Variants in PARL observed in about 807,000 individuals in gnomAD.
The protein encoded by PARL is presenilin-associated rhomboid-like protein, mitochondrial.
In PARL, 44 loss-of-function variants were observed where a neutral mutation model predicts 51.6. The observed-to-expected ratio is 0.85, with a 90% confidence interval of 0.67 to 1.10. PARL has a LOEUF of 1.10. Among genes scored for constraint, PARL ranks in the 50% least tolerant of loss-of-function variants. The probability of loss-of-function intolerance (pLI) is 0.00; values close to 1 mark genes in which losing one functional copy is unlikely to be tolerated. For missense variants in PARL, 441 were observed against 469.5 expected (o/e 0.94, Z 0.56); for synonymous variants, 172 against 164.0 (o/e 1.05, Z -0.37).
Position 183,868,033 on chromosome 3 carries a change from G to A in PARL, c.153C>T (p.Cys51=), listed in dbSNP as rs766393660. 6 of 1,613,826 alleles carry A rather than the reference G, an allele frequency of 3.7e-6. No individual in the cohort carries two copies. The highest frequency in any genetic ancestry group is 2.7e-5 in the African/African-American group (2 of 74,886). The part of the protein sequence containing the change: ...RRFNFFIQQK[C]GFRKAPRKVE... ...CCTTCCTGGGTGCTTTTCTGAATCC[G>A]CATTTTTGTTGAATAAAGAAGTTAA... Residue 51 remains cysteine, a synonymous_variant, in exon 2 of 10, where the codon TGC becomes TGT. Coordinates refer to ENST00000317096, the MANE Select transcript of PARL (RefSeq NM_018622.7).
At chr3:183,882,292 C>CAT (rs530676970) in intron 1 of PARL, among the ~76,000 whole-genome samples, 2 of 100,968 alleles carry the variant, frequency 2.0e-5, no homozygotes, top group Non-Finnish European at 4.0e-5. Flanking sequence ...TACACACACA[C>CAT]ATATATATAC....
chr3:183,860,028 C>T (rs1357736060), intron 4 of PARL, among the ~76,000 whole-genome samples: 1 of 151,492 alleles, frequency 6.6e-6, no homozygotes, highest in African/African-American at 2.4e-5. Context: ...CTAGGTCAAA[C>T]TTGTCAAGTT....
At chr3:183,847,491 G>A (rs867607481) in intron 4 of PARL, among the ~76,000 whole-genome samples, 1 of 152,088 alleles carries the variant, frequency 6.6e-6, no homozygotes, top group African/African-American at 2.4e-5. Context: ...TTGAGCCCAG[G>A]AGGTCAAGTC....
At chr3:183,839,678 C>T (rs1729059516) in intron 7 of PARL, among the ~76,000 whole-genome samples, 1 of 152,066 alleles carries the variant, frequency 6.6e-6, no homozygotes, top group African/African-American at 2.4e-5. Flanking sequence ...CTCAGCCTCC[C>T]AAAGTGCTGG....
intron 1 of PARL, among the ~76,000 whole-genome samples, chr3:183,869,021 C>T (rs1173439553): frequency 2.0e-5 from 3 of 152,162 alleles, no homozygotes; most frequent in Admixed American, 2.0e-4. Flanking sequence ...GTCCTAGCTT[C>T]TGTAACAGCA....
At chr3:183,858,866 T>G (rs1187298669) in intron 4 of PARL, among the ~76,000 whole-genome samples, 1 of 151,440 alleles carries the variant, frequency 6.6e-6, no homozygotes, top group Non-Finnish European at 1.5e-5. Flanking sequence ...CAGAGCAATA[T>G]GAAGCCTGGG....
intron 4 of PARL, chr3:183,846,634 C>T (rs1452643639): frequency 5.1e-6 from 5 of 985,334 alleles, no homozygotes; most frequent in Non-Finnish European, 3.6e-6. Context: ...CAGACTGTAG[C>T]CAAAATCCCT....
intron 1 of PARL, chr3:183,883,531 A>G (rs1284388085): frequency 1.1e-6 from 1 of 914,820 alleles, no homozygotes; most frequent in Admixed American, 6.2e-5. Flanking sequence ...CAGCCTCCCA[A>G]AGTGCTAGGA....
At chr3:183,835,161 T>TAAA (rs34212336) in intron 7 of PARL, among the ~76,000 whole-genome samples, 4 of 143,840 alleles carry the variant, frequency 2.8e-5, no homozygotes, top group African/African-American at 1.0e-4. Context: ...ATGAGATGTT[T>TAAA]AAAAAAAAAA....
chr3:183,833,152 G>A (rs1303768543), intron 9 of PARL, among the ~76,000 whole-genome samples: 1 of 152,176 alleles, frequency 6.6e-6, no homozygotes, highest in East Asian at 1.9e-4. Flanking sequence ...GGAGAGGAGG[G>A]CAGGAAAGTC....
downstream of PARL, among the ~76,000 whole-genome samples, chr3:183,828,438 G>A (rs1024811739): frequency 6.6e-5 from 10 of 152,188 alleles, no homozygotes; most frequent in African/African-American, 2.4e-4. Context: ...TTTCCTCGCT[G>A]GCAAAATGAT....
chr3:183,836,139 C>G (rs1728548235), intron 7 of PARL, among the ~76,000 whole-genome samples: 1 of 148,078 alleles, frequency 6.8e-6, no homozygotes, highest in Non-Finnish European at 1.5e-5. Flanking sequence ...ATTGCTTGAA[C>G]CCGGGAGGCA....
chr3:183,828,390 T>C (rs938675294), downstream of PARL, among the ~76,000 whole-genome samples: 3 of 152,230 alleles, frequency 2.0e-5, no homozygotes, highest in Non-Finnish European at 2.9e-5. Context: ...GAGCAAAGCA[T>C]TGTGACCTTG....
chr3:183,872,616 C>CTATT (rs1384672809), intron 1 of PARL, among the ~76,000 whole-genome samples: 1 of 152,156 alleles, frequency 6.6e-6, no homozygotes, highest in Non-Finnish European at 1.5e-5. Context: ...AATCCCAAAT[C>CTATT]TATTTCCAAC....
At chr3:183,842,186 G>T in intron 6 of PARL, 112 bp downstream of exon 6, 1 of 1,063,264 alleles carries the variant, frequency 9.4e-7, no homozygotes, top group Non-Finnish European at 1.5e-6. Flanking sequence ...AAACAAATAT[G>T]TTCTGAGCAC....
chr3:183,874,728 A>C (rs1733595808), intron 1 of PARL, among the ~76,000 whole-genome samples: 1 of 152,222 alleles, frequency 6.6e-6, no homozygotes, highest in South Asian at 2.1e-4. Flanking sequence ...AAAAGCTGAG[A>C]TAGGCCAGGA....
chr3:183,846,716 C>G (rs1729995132), intron 4 of PARL: 1 of 572,324 alleles, frequency 1.7e-6, no homozygotes, highest in African/African-American at 2.0e-5. Flanking sequence ...CCATTAGTAA[C>G]AGACACATCC....
intron 3 of PARL, among the ~76,000 whole-genome samples, chr3:183,864,899 ATTTC>A (rs1251151566): frequency 7.2e-6 from 1 of 138,300 alleles, no homozygotes; most frequent in African/African-American, 2.8e-5. Flanking sequence ...AAAGCTCCAT[ATTTC>A]TTTTTTTTTT....
intron 9 of PARL, among the ~76,000 whole-genome samples, chr3:183,830,031 G>A (rs1368279583): frequency 6.6e-6 from 1 of 152,170 alleles, no homozygotes; most frequent in Non-Finnish European, 1.5e-5. Context: ...AAAGTAGTTT[G>A]TCCAAGGTGC....
Sources: gnomAD v4.1 joint callset for allele counts (sites outside exome capture counted in the v4.1 genomes callset) on GRCh38, gnomAD v4.1.1 for gene constraint, MANE v1.5 for transcripts, NCBI Gene and HGNC (gene_info 2026-07-23, HGNC 2026-07-21) for gene names.